SPMIP7: variants seen among roughly 807,000 people sequenced by gnomAD.
SPMIP7 encodes protein SPMIP7.
the SPMIP7 span, chr7:50,141,887 C>T: frequency 1.3e-5 from 2 of 153,272 alleles, no homozygotes; most frequent in African/African-American, 4.8e-5. Context: ...TGCCATCACG[C>T]CCTGCTAATT....
At chr7:50,106,928 C>T in the SPMIP7 span, among the ~76,000 whole-genome samples, 210 of 152,060 alleles carry the variant, frequency 1.4e-3, 3 homozygotes, top group African/African-American at 4.8e-3. Context: ...TAGCAAAACC[C>T]CATCTGTACT....
the SPMIP7 span, among the ~76,000 whole-genome samples, chr7:50,124,547 C>A: frequency 6.6e-6 from 1 of 152,232 alleles, no homozygotes; most frequent in Admixed American, 6.5e-5. Flanking sequence ...CTAGCCAACA[C>A]AGAGTCAAAT....
chr7:50,107,562 A>G, the SPMIP7 span, among the ~76,000 whole-genome samples: 2 of 152,238 alleles, frequency 1.3e-5, no homozygotes, highest in East Asian at 3.9e-4. Context: ...ACTATGGTGA[A>G]GCACAAATAT....
At chr7:50,108,402 G>A in the SPMIP7 span, among the ~76,000 whole-genome samples, 118,271 of 152,054 alleles carry the variant, frequency 0.78, 46,107 homozygotes, top group East Asian at 0.88. Context: ...TGAGTTTGTA[G>A]GAATATAATC....
the SPMIP7 span, among the ~76,000 whole-genome samples, chr7:50,098,838 T>TCG: frequency 6.6e-6 from 1 of 151,806 alleles, no homozygotes; most frequent in South Asian, 2.1e-4. Flanking sequence ...CACACGAATC[T>TCG]GGGGGGATAC....
At chr7:50,099,187 A>G in the SPMIP7 span, among the ~76,000 whole-genome samples, 3 of 152,126 alleles carry the variant, frequency 2.0e-5, no homozygotes, top group Admixed American at 1.3e-4. Context: ...TGTGTGTATT[A>G]GGTCTATTTG....
chr7:50,156,978 C>T, the SPMIP7 span, among the ~76,000 whole-genome samples: 2 of 152,210 alleles, frequency 1.3e-5, no homozygotes, highest in Non-Finnish European at 2.9e-5. Flanking sequence ...ACCTGAACCT[C>T]CTGGCTCTGG....
chr7:50,150,031 C>A, the SPMIP7 span, among the ~76,000 whole-genome samples: 4 of 152,152 alleles, frequency 2.6e-5, no homozygotes, highest in Non-Finnish European at 4.4e-5. Flanking sequence ...CTTAAGCACA[C>A]ACCCCTTTCA....
chr7:50,106,612 A>G, the SPMIP7 span, among the ~76,000 whole-genome samples: 1 of 152,204 alleles, frequency 6.6e-6, no homozygotes, highest in African/African-American at 2.4e-5. Context: ...TTAAAGTGTA[A>G]TGTTCATCAC....
chr7:50,112,737 A>G, the SPMIP7 span, among the ~76,000 whole-genome samples: 8 of 152,140 alleles, frequency 5.3e-5, no homozygotes, highest in Non-Finnish European at 1.0e-4. Flanking sequence ...TCCTGGGGGC[A>G]GTTTTTAAGC....
chr7:50,122,105 T>G, the SPMIP7 span, among the ~76,000 whole-genome samples: 1 of 152,130 alleles, frequency 6.6e-6, no homozygotes, highest in Non-Finnish European at 1.5e-5. Context: ...TTAAAAGAAA[T>G]CCTGCCTAAT....
the SPMIP7 span, among the ~76,000 whole-genome samples, chr7:50,123,164 A>C: frequency 1.6e-5 from 2 of 125,406 alleles, no homozygotes; most frequent in Non-Finnish European, 3.3e-5. Context: ...CTTGGAACCA[A>C]CCCAAATGTC....
At chr7:50,098,300 A>C in the SPMIP7 span, among the ~76,000 whole-genome samples, 6 of 152,142 alleles carry the variant, frequency 3.9e-5, no homozygotes, top group Non-Finnish European at 8.8e-5. Flanking sequence ...TTTATCATCT[A>C]CCAATTAACA....
chr7:50,154,819 C>T, the SPMIP7 span, among the ~76,000 whole-genome samples: 557 of 152,302 alleles, frequency 3.7e-3, 4 homozygotes, highest in African/African-American at 0.012. Context: ...CCTACATTCC[C>T]ATCAACAGTC....
At chr7:50,125,197 T>TATATATACACATATATATACAC in the SPMIP7 span, among the ~76,000 whole-genome samples, 1 of 59,410 alleles carries the variant, frequency 1.7e-5, no homozygotes, top group African/African-American at 5.8e-5. Context: ...TATATACACA[T>TATATATACACATATATATACAC]ATATATACAC....
the SPMIP7 span, among the ~76,000 whole-genome samples, chr7:50,097,310 C>T: frequency 6.6e-6 from 1 of 152,066 alleles, no homozygotes; most frequent in African/African-American, 2.4e-5. Flanking sequence ...ACATTTTTAG[C>T]ATCGGAAAAG....
the SPMIP7 span, among the ~76,000 whole-genome samples, chr7:50,104,138 A>C: frequency 2.0e-5 from 3 of 152,228 alleles, no homozygotes; most frequent in Non-Finnish European, 4.4e-5. Context: ...GCTCACATAG[A>C]AATTCCAGAG....
the SPMIP7 span, among the ~76,000 whole-genome samples, chr7:50,133,483 T>C: frequency 1.3e-5 from 2 of 152,148 alleles, no homozygotes; most frequent in Non-Finnish European, 2.9e-5. Context: ...CCTCTGAAGG[T>C]CAAATGAGCA....
At chr7:50,134,221 A>G in the SPMIP7 span, 7 of 1,545,976 alleles carry the variant, frequency 4.5e-6, no homozygotes, top group South Asian at 4.8e-5. Flanking sequence ...CTGAAAAGAT[A>G]TAAAGGGGTG....
Sources: gnomAD v4.1 joint callset for allele counts (sites outside exome capture counted in the v4.1 genomes callset) on GRCh38, gnomAD v4.1.1 for gene constraint, MANE v1.5 for transcripts, NCBI Gene and HGNC (gene_info 2026-07-23, HGNC 2026-07-21) for gene names.